Variants in SLC7A6 observed in about 807,000 individuals in gnomAD.
The protein encoded by SLC7A6 is Y+L amino acid transporter 2.
In SLC7A6, 29 loss-of-function variants were observed where a neutral mutation model predicts 46.6. The ratio of observed to expected loss-of-function variants is 0.62; its 90% CI spans 0.46 to 0.85. The LOEUF (loss-of-function observed/expected upper bound fraction) is 0.85. SLC7A6 is among the 40% of genes least tolerant of loss of function. SLC7A6 has a pLI of 0.00. For synonymous variants in SLC7A6, 276 were observed against 257.3 expected (o/e 1.07, Z -0.70); for missense variants, 527 against 647.6 (o/e 0.81, Z 2.02).
At chr16:68,285,946 A>T (rs550473318) in intron 3 of SLC7A6, among the ~76,000 whole-genome samples, 5 of 151,806 alleles carry the variant, frequency 3.3e-5, no homozygotes, top group Admixed American at 2.6e-4. Flanking sequence ...ATTTTTTTTT[A>T]ATTAGCTGGG....
In SLC7A6 at chr16:68,291,317, T is replaced by A; in HGVS notation, c.903T>A (p.Ser301Arg). 1 of 1,614,112 alleles carries A rather than the reference T, an allele frequency of 6.2e-7. No individual in the cohort carries two copies. Among genetic ancestry groups the A allele is most frequent in the South Asian group, 1.1e-5 (1 of 91,066 alleles). ...TGAACATTTCAGATGTCCTTAGCAG[T>A]GATGCTGTGGCTGTGGTGAGTCTCT... The part of the protein sequence containing the change: ...TVLNISDVLS[S>R]DAVAVTFADQ... The change falls in exon 6 of 11, where the codon AGT becomes AGA. Residue 301 changes from serine (S) to arginine (R), a missense_variant. Physicochemically the swap from Ser to Arg is moderately radical, Grantham distance 110 (BLOSUM62 -1). Coordinates refer to ENST00000219343, the MANE Select transcript of SLC7A6 (RefSeq NM_003983.6).
intron 8 of SLC7A6, among the ~76,000 whole-genome samples, chr16:68,295,938 C>T (rs1007639157): frequency 2.6e-5 from 4 of 152,068 alleles, no homozygotes; most frequent in African/African-American, 9.7e-5. Flanking sequence ...GATCCAATTG[C>T]TAGTTAGCAT....
rs1031183593 is a variant in SLC7A6, at chr16:68,282,895, G to A, written c.524-4851G>A. On this transcript the variant is annotated intron_variant, in intron 3 of 10. Transcript: ENST00000219343. ...GGCCTCCCAAAGTGCTGGCATTACA[G>A]GTGTGAGCCACTGCGCCCGGCCTTT... Among the ~76,000 whole-genome samples, 8 of 152,176 alleles carry A rather than the reference G, an allele frequency of 5.3e-5. 1 individual carries two copies. The highest frequency in any genetic ancestry group is 1.9e-4 in the African/African-American group (8 of 41,438).
At chr16:68,291,403 C>T in intron 6 of SLC7A6, 71 bp downstream of exon 6, 1 of 1,597,346 alleles carries the variant, frequency 6.3e-7, no homozygotes, top group South Asian at 1.1e-5. Context: ...CTCAGTCTGT[C>T]TTACTGCACC....
intron 6 of SLC7A6, 80 bp from the exon 7 acceptor site, chr16:68,291,478 G>C (rs2043048188): frequency 1.9e-6 from 3 of 1,581,096 alleles, no homozygotes. Flanking sequence ...AGCAGTGATT[G>C]CATTTGTTCC....
Position 68,296,767 on chromosome 16 carries a change from C to T in SLC7A6, c.1410C>T (p.Tyr470=). The change falls in exon 10 of 11, where the codon TAC becomes TAT. Residue 470 remains tyrosine, a synonymous_variant. Coordinates refer to ENST00000219343, the MANE Select transcript of SLC7A6 (RefSeq NM_003983.6). ...TCCCTTTCTACTTCATGGGTGTTTACCTGCCAGAGTCCCGGAGGCCATTGT... is the reference window on the plus strand; with the variant it reads ...TCCCTTTCTACTTCATGGGTGTTTATCTGCCAGAGTCCCGGAGGCCATTGT... ...SGVPFYFMGV[Y]LPESRRPLFI... is the part of the protein sequence containing the mutation. The T allele has an allele frequency of 6.2e-7, 1 of 1,614,176 alleles. No homozygotes were observed. The highest frequency in any genetic ancestry group is 1.3e-5 in the African/African-American group (1 of 75,030).
chr16:68,291,124 T>C lies in SLC7A6; in HGVS notation c.795-85T>C, dbSNP rs888936431. 27 of 1,572,688 alleles carry C rather than the reference T, an allele frequency of 1.7e-5. No individual in the cohort carries two copies. In the African/African-American group the frequency reaches 2.7e-4, roughly 16 times the overall value. On this transcript the variant is annotated intron_variant, in intron 5 of 10. Transcript: ENST00000219343. ...TGGAGGCTAGTGAACTGTTAAATGT[T>C]AGGAAAATCCCAGTGGAGACTTGAT...
In SLC7A6 at chr16:68,274,882, C is replaced by T. The variant is rs1399755081; in HGVS notation, c.156C>T (p.Ser52=). The change falls in exon 3 of 11, where the codon AGC becomes AGT. Residue 52 remains serine (S), a synonymous_variant. Transcript: ENST00000219343. ...KKEISLLNGV[S]LVVGNMIGSG... is the part of the protein sequence containing the mutation. ...AGATCTCCCTGCTGAATGGGGTCAG[C>T]CTGGTGGTGGGCAACATGATCGGCT... The T allele has an allele frequency of 1.4e-5, 22 of 1,614,072 alleles. No individual in the cohort carries two copies. The highest frequency in any genetic ancestry group is 1.9e-5 in the Non-Finnish European group (22 of 1,180,036).
chr16:68,293,121 A>G (rs1481367624), intron 7 of SLC7A6, among the ~76,000 whole-genome samples: 4 of 152,218 alleles, frequency 2.6e-5, no homozygotes, highest in African/African-American at 4.8e-5. Flanking sequence ...GCCTTGTAAA[A>G]GAACATAGTG....
At chr16:68,294,581 T>A in intron 7 of SLC7A6, 124 bp from the exon 8 acceptor site, 1 of 711,752 alleles carries the variant, frequency 1.4e-6, no homozygotes. Flanking sequence ...GGACCTGGGA[T>A]GCTCCTGGGA....
At chr16:68,280,223 A>G (rs1197703839) in intron 3 of SLC7A6, among the ~76,000 whole-genome samples, 1 of 152,198 alleles carries the variant, frequency 6.6e-6, no homozygotes, top group Non-Finnish European at 1.5e-5. Context: ...CTTCGGTAGG[A>G]TAGGAGAATT....
chr16:68,292,275 G>A (rs1215289669), intron 7 of SLC7A6: 2 of 152,380 alleles, frequency 1.3e-5, no homozygotes, highest in South Asian at 2.1e-4. Context: ...ATCTATAAGC[G>A]TGCTGGTCCT....
intron 3 of SLC7A6, chr16:68,284,658 G>A: frequency 1.0e-6 from 1 of 985,278 alleles, no homozygotes; most frequent in Non-Finnish European, 1.2e-6. Context: ...GCCAGTTAGT[G>A]GGTCTGAGGA....
chr16:68,270,861 A>ATT (rs11301249), intron 2 of SLC7A6, among the ~76,000 whole-genome samples: 2,679 of 142,880 alleles, frequency 0.019, 52 homozygotes, highest in African/African-American at 0.041. Context: ...TTTATATTGG[A>ATT]TTTTTTTTTT....
chr16:68,295,079 A>G (rs1295448781), intron 8 of SLC7A6, among the ~76,000 whole-genome samples: 3 of 152,176 alleles, frequency 2.0e-5, no homozygotes, highest in Admixed American at 2.0e-4. Context: ...TCACTCAACA[A>G]TCCATTTTCC....
rs1455924871 is a variant in SLC7A6 at position 68,294,778 on chromosome 16, C to A, written c.1096C>A (p.Pro366Thr). 6.2e-7 allele frequency: 1 copy of A among 1,613,790 alleles called. No individual in the cohort carries two copies. Among genetic ancestry groups the A allele is most frequent in the Non-Finnish European group, 8.5e-7 (1 of 1,179,730 alleles). Residue 366 changes from proline (P) to threonine (T), a missense_variant, in exon 8 of 11, where the codon CCT becomes ACT. Physicochemically the swap from Pro to Thr is conservative, Grantham distance 38. Coordinates refer to ENST00000219343, the MANE Select transcript of SLC7A6 (RefSeq NM_003983.6). ...CATGATCCACATTGAGCGTTTTACA[C>A]CTATCCCTGCTTTACTGTTCAATGT... ...LSMIHIERFT[P>T]IPALLFNCTM... is the part of the protein sequence containing the mutation.
chr16:68,276,623 T>A (rs372269059), intron 3 of SLC7A6, among the ~76,000 whole-genome samples: 2 of 152,186 alleles, frequency 1.3e-5, no homozygotes, highest in African/African-American at 4.8e-5. Context: ...GCTGCTCAGC[T>A]GTATGTCTGA....
chr16:68,297,110 C>A, intron 10 of SLC7A6, 124 bp from the exon 11 acceptor site: 1 of 868,568 alleles, frequency 1.2e-6, no homozygotes, highest in Non-Finnish European at 1.8e-6. Context: ...AGGGGCAAAG[C>A]CTGATATAGG....
rs756823707 is a variant in SLC7A6, at chr16:68,299,175, G to C, written c.*1847G>C. Reference sequence around the variant, plus strand: ...AACGCTAAGAACATGACTTCTGTCTGAGCTAAGCTGGCACCCATCCCAGGG... The same window carrying C: ...AACGCTAAGAACATGACTTCTGTCTCAGCTAAGCTGGCACCCATCCCAGGG... On this transcript the variant is annotated 3_prime_UTR_variant, in exon 11 of 11. Coordinates refer to ENST00000219343, the MANE Select transcript of SLC7A6 (RefSeq NM_003983.6). 6.5e-6 allele frequency: 1 copy of C among 152,722 alleles called. No homozygotes were observed. Among genetic ancestry groups the C allele is most frequent in the East Asian group, 1.9e-4 (1 of 5,186 alleles). The allele number at this position is 152,722 out of a possible 1,614,324, so 9.5% of individuals were successfully genotyped here.
Sources: allele counts gnomAD v4.1 joint callset (sites outside exome capture counted in the v4.1 genomes callset), GRCh38; gene constraint gnomAD v4.1.1; transcripts MANE v1.5; gene names NCBI Gene and HGNC (gene_info 2026-07-23, HGNC 2026-07-21).